ARHGEF9: variants seen among roughly 807,000 people sequenced by gnomAD.
ARHGEF9 encodes rho guanine nucleotide exchange factor 9.
In ARHGEF9, 2 loss-of-function variants were observed where a neutral mutation model predicts 41.3. The ratio of observed to expected loss-of-function variants is 0.05; its 90% CI spans 0.02 to 0.15. ARHGEF9 has a LOEUF of 0.15. Ranked by LOEUF, ARHGEF9 falls within the 10% of genes least tolerant of loss-of-function variation. ARHGEF9 has a pLI of 1.00. For synonymous variants in ARHGEF9, 160 were observed against 154.4 expected (o/e 1.04, Z -0.27); for missense variants, 225 against 424.7 (o/e 0.53, Z 4.13).
At chrX:63,674,971 C>A (rs1556360368) in intron 5 of ARHGEF9, among the ~76,000 whole-genome samples, 1 of 111,371 alleles carries the variant, frequency 9.0e-6, no homozygotes, top group Non-Finnish European at 1.9e-5. Flanking sequence ...TGAGAAATCA[C>A]CTTTAAGGTA....
chrX:63,649,459 T>G (rs1438557007), intron 8 of ARHGEF9, among the ~76,000 whole-genome samples: 7 of 111,279 alleles, frequency 6.3e-5, no homozygotes, highest in Admixed American at 2.9e-4. Flanking sequence ...GGGAAATTTA[T>G]AGCACTAAAT....
chrX:63,698,428 G>C (rs1370142026), intron 3 of ARHGEF9, among the ~76,000 whole-genome samples: 1 of 110,928 alleles, frequency 9.0e-6, no homozygotes, highest in African/African-American at 3.3e-5. Flanking sequence ...TCACTTGATA[G>C]TTACTGTCCT....
rs1393330954 is a variant in ARHGEF9, at chrX:63,635,571, A to G, written c.*2457T>C. ...TGCTATAGGCTGAGGGAATACTCCA[A>G]CCAATGGGGAAATGATTTCTTGTTG... is the stretch of plus-strand genomic sequence containing the variant. On this transcript the variant is annotated 3_prime_UTR_variant, in exon 10 of 10. Coordinates refer to ENST00000671741, the MANE Select transcript of ARHGEF9 (RefSeq NM_001353921.2). The G allele has an allele frequency of 2.3e-6, 1 of 431,948 alleles. No individual in the cohort carries two copies. The highest frequency in any genetic ancestry group is 4.0e-6 in the Non-Finnish European group (1 of 248,518). The allele number at this position is 431,948 out of a possible 1,213,427, so 35.6% of individuals were successfully genotyped here.
At chrX:63,751,852 C>T in intron 1 of ARHGEF9, among the ~76,000 whole-genome samples, 1 of 110,065 alleles carries the variant, frequency 9.1e-6, no homozygotes, top group East Asian at 2.9e-4. Context: ...CCACACACCC[C>T]CATGAACATA....
At chrX:63,686,841 A>G (rs1556376086) in intron 4 of ARHGEF9, among the ~76,000 whole-genome samples, 1 of 110,813 alleles carries the variant, frequency 9.0e-6, no homozygotes, top group African/African-American at 3.3e-5. Context: ...CTGCAAGCAA[A>G]AGGTAAAATA....
chrX:63,754,154 C>T (rs1170133985), intron 1 of ARHGEF9: 2 of 635,089 alleles, frequency 3.1e-6, no homozygotes, highest in Non-Finnish European at 5.0e-6. Flanking sequence ...GCTCCATGAA[C>T]GCCACATAGA....
chrX:63,692,201 C>A (rs1411185791), intron 4 of ARHGEF9, among the ~76,000 whole-genome samples: 1 of 111,348 alleles, frequency 9.0e-6, no homozygotes, highest in Non-Finnish European at 1.9e-5. Flanking sequence ...GCAGAAATAC[C>A]CAAATGGGAT....
At chrX:63,698,468 T>G (rs782591023) in intron 3 of ARHGEF9, among the ~76,000 whole-genome samples, 1 of 111,561 alleles carries the variant, frequency 9.0e-6, no homozygotes, top group African/African-American at 3.2e-5. Flanking sequence ...ATAAAAATGT[T>G]CTTGGTGAGA....
At chrX:63,720,589 GA>G (rs1157229190) in intron 2 of ARHGEF9, among the ~76,000 whole-genome samples, 2 of 112,465 alleles carry the variant, frequency 1.8e-5, no homozygotes, top group African/African-American at 6.5e-5. Context: ...ATTAGACAAA[GA>G]CTGTCTAGTA....
intron 6 of ARHGEF9, among the ~76,000 whole-genome samples, chrX:63,670,987 A>G (rs1556354858): frequency 1.8e-5 from 2 of 112,366 alleles, no homozygotes; most frequent in East Asian, 5.6e-4. Flanking sequence ...TCTATTGAGC[A>G]GACACTAATT....
At chrX:63,705,486 C>T (rs1440772925) in intron 3 of ARHGEF9, among the ~76,000 whole-genome samples, 6 of 109,668 alleles carry the variant, frequency 5.5e-5, no homozygotes, top group African/African-American at 2.0e-4. Context: ...TGCCAACTTG[C>T]AGCTACTAAG....
Position 63,638,873 on chromosome X carries a change from C to A in ARHGEF9, c.1391-664G>T, listed in dbSNP as rs192292748. Among the ~76,000 whole-genome samples, 30 of 111,950 alleles carry A rather than the reference C, an allele frequency of 2.7e-4. No individual in the cohort carries two copies. The East Asian group carries it at 8.2e-3, about 30-fold the overall frequency. On this transcript the variant is annotated intron_variant, in intron 9 of 9. Coordinates refer to ENST00000671741, the MANE Select transcript of ARHGEF9 (RefSeq NM_001353921.2). ...TATAATTCATGGGGAGCAAGGAAGA[C>A]GGAATATGTGTGTGTCTTTTCAAAC... is the stretch of plus-strand genomic sequence containing the variant.
At chrX:63,768,599 T>C (rs1413941268) in intron 1 of ARHGEF9, among the ~76,000 whole-genome samples, 7 of 112,261 alleles carry the variant, frequency 6.2e-5, no homozygotes, top group Admixed American at 9.4e-5. Flanking sequence ...CAATATTGTT[T>C]GACTCTGTGT....
At position 63,665,879 on chromosome X, in the gene ARHGEF9, G is replaced by C. The variant is rs2147265578; in HGVS notation, c.1077+7C>G. Reference sequence around the variant, plus strand: ...ATCTCCCTCAGGGAAGAAGGGGGCAGGGTTACCTTCTTGCAGAGGACCATC... The same window carrying C: ...ATCTCCCTCAGGGAAGAAGGGGGCACGGTTACCTTCTTGCAGAGGACCATC... On this transcript the variant is annotated splice_region_variant and intron_variant, in intron 7 of 9. Coordinates refer to ENST00000671741, the MANE Select transcript of ARHGEF9 (RefSeq NM_001353921.2). The C allele has an allele frequency of 8.3e-7, 1 of 1,210,231 alleles. No individual in the cohort carries two copies. Among genetic ancestry groups the C allele is most frequent in the Non-Finnish European group, 1.1e-6 (1 of 894,850 alleles).
intron 9 of ARHGEF9, chrX:63,642,897 G>T (rs1466182608): frequency 2.7e-5 from 3 of 111,865 alleles, no homozygotes; most frequent in African/African-American, 9.8e-5. Context: ...CAAGCATGGG[G>T]CTTCATCAGG....
At chrX:63,774,012 T>C (rs1488959198) in intron 1 of ARHGEF9, among the ~76,000 whole-genome samples, 1 of 110,003 alleles carries the variant, frequency 9.1e-6, no homozygotes, top group Admixed American at 9.8e-5. Context: ...TTAGGACTTA[T>C]CAGCCTCCAT....
chrX:63,754,491 C>A (rs2055850535), intron 1 of ARHGEF9: 2 of 1,101,834 alleles, frequency 1.8e-6, no homozygotes, highest in Admixed American at 3.6e-5. Context: ...CCATTCAGCG[C>A]GTTCCCAGGA....
chrX:63,724,033 T>C (rs2053808440), intron 2 of ARHGEF9, among the ~76,000 whole-genome samples: 1 of 111,172 alleles, frequency 9.0e-6, no homozygotes, highest in Non-Finnish European at 1.9e-5. Flanking sequence ...AACATCTGAA[T>C]ACACAGTGAC....
intron 1 of ARHGEF9, among the ~76,000 whole-genome samples, chrX:63,777,723 G>A (rs1193106535): frequency 8.9e-6 from 1 of 112,530 alleles, no homozygotes; most frequent in Non-Finnish European, 1.9e-5. Context: ...AAAGAAAGGA[G>A]TTACAGGTCC....
Sources: gnomAD v4.1 joint callset for allele counts (sites outside exome capture counted in the v4.1 genomes callset) on GRCh38, gnomAD v4.1.1 for gene constraint, MANE v1.5 for transcripts, NCBI Gene and HGNC (gene_info 2026-07-23, HGNC 2026-07-21) for gene names.